Variants in EXOC6 observed in about 807,000 individuals in gnomAD.
EXOC6 encodes exocyst complex component 6.
Under a neutral mutation model 112.5 loss-of-function variants are expected in EXOC6, and 60 were observed. The ratio of observed to expected loss-of-function variants is 0.53; its 90% CI spans 0.43 to 0.66. The LOEUF is 0.66. EXOC6 is among the 30% of genes least tolerant of loss of function. The probability of loss-of-function intolerance (pLI) is 0.00; values close to 1 mark genes in which losing one functional copy is unlikely to be tolerated. For synonymous variants in EXOC6, 295 were observed against 308.0 expected (o/e 0.96, Z 0.44); for missense variants, 855 against 957.1 (o/e 0.89, Z 1.41).
At chr10:93,001,337 G>C (rs1289193483) in intron 19 of EXOC6, among the ~76,000 whole-genome samples, 2 of 152,152 alleles carry the variant, frequency 1.3e-5, no homozygotes, top group East Asian at 3.8e-4. Flanking sequence ...AACCTGCCAA[G>C]TAATTGTCCA....
chr10:92,850,879 G>A (rs1847292479), intron 1 of EXOC6, among the ~76,000 whole-genome samples: 2 of 152,092 alleles, frequency 1.3e-5, no homozygotes, highest in South Asian at 4.2e-4. Flanking sequence ...TGAGAAGCAC[G>A]TGATAAACTT....
intron 19 of EXOC6, among the ~76,000 whole-genome samples, chr10:93,001,660 A>G (rs945525684): frequency 1.3e-5 from 2 of 152,204 alleles, no homozygotes; most frequent in Admixed American, 1.3e-4. Flanking sequence ...TATCAAATAA[A>G]ACATTAGCTG....
intron 18 of EXOC6, among the ~76,000 whole-genome samples, chr10:92,989,427 T>G (rs1025972435): frequency 2.0e-5 from 3 of 152,198 alleles, no homozygotes; most frequent in Non-Finnish European, 4.4e-5. Flanking sequence ...CAGTACTGAT[T>G]AGAAATATTT....
chr10:93,034,860 G>T (rs145089758), intron 20 of EXOC6, among the ~76,000 whole-genome samples: 1 of 152,236 alleles, frequency 6.6e-6, no homozygotes, highest in Non-Finnish European at 1.5e-5. Context: ...TACTTCACAG[G>T]AACTTTCTTT....
chr10:92,962,877 C>T (rs979551812), intron 17 of EXOC6, among the ~76,000 whole-genome samples: 3 of 152,106 alleles, frequency 2.0e-5, no homozygotes, highest in African/African-American at 4.8e-5. Flanking sequence ...CTAAATGTTT[C>T]GAATTTGCAT....
chr10:92,829,724 A>G (rs1846442901), upstream of EXOC6, among the ~76,000 whole-genome samples: 1 of 152,192 alleles, frequency 6.6e-6, no homozygotes, highest in African/African-American at 2.4e-5. Flanking sequence ...GCATTCTGTC[A>G]CAGGATGAGA....
At chr10:93,050,724 C>A (rs1294539651) in intron 20 of EXOC6, among the ~76,000 whole-genome samples, 1 of 119,764 alleles carries the variant, frequency 8.3e-6, no homozygotes, top group Non-Finnish European at 1.6e-5. Flanking sequence ...CACGCCACTG[C>A]ACTCCAACCT....
At chr10:93,035,629 C>A (rs188090999) in intron 20 of EXOC6, among the ~76,000 whole-genome samples, 1 of 152,072 alleles carries the variant, frequency 6.6e-6, no homozygotes, top group Non-Finnish European at 1.5e-5. Flanking sequence ...TTGAGGTGAG[C>A]GGATCACTTG....
At chr10:92,902,639 C>A (rs1850239465) in intron 5 of EXOC6, among the ~76,000 whole-genome samples, 1 of 151,952 alleles carries the variant, frequency 6.6e-6, no homozygotes, top group African/African-American at 2.4e-5. Context: ...TGTGTAGCCA[C>A]CAAGTTTAAG....
In EXOC6 at chr10:92,827,474, CAAAAAAAAAAAAAAA is replaced by C. The variant is rs60863083; in HGVS notation, c.-27+548_-27+562del. 5.7e-4 allele frequency among the ~76,000 whole-genome samples: 19 copies of C among 33,198 alleles called. 1 individual carries two copies. Among genetic ancestry groups the C allele is most frequent in the East Asian group, 2.3e-3 (2 of 886 alleles). 21.8% of individuals were successfully genotyped at this position (33,198 alleles called of 152,430 possible). On this transcript the variant is annotated intron_variant, in intron 1 of 22. Transcript: ENST00000671701. The stretch of plus-strand genomic sequence containing the variant: ...GGGCGACAGAGTGAGGCCCTGTTGC[CAAAAAAAAAAAAAAA>C]AAAAAAAAAAAAAAAAATCCCCATG...
intron 8 of EXOC6, among the ~76,000 whole-genome samples, chr10:92,926,891 A>G (rs1851756507): frequency 6.6e-6 from 1 of 152,096 alleles, no homozygotes; most frequent in Admixed American, 6.5e-5. Context: ...TAGCAGTTTT[A>G]TTTTAAATTC....
At chr10:92,895,702 A>G (rs1196804773) in intron 4 of EXOC6, among the ~76,000 whole-genome samples, 1 of 151,300 alleles carries the variant, frequency 6.6e-6, no homozygotes, top group East Asian at 1.9e-4. Context: ...ATTTATTTTA[A>G]TTTTTAATTT....
At chr10:93,002,766 A>C (rs1843813968) in intron 19 of EXOC6, among the ~76,000 whole-genome samples, 1 of 152,156 alleles carries the variant, frequency 6.6e-6, no homozygotes, top group Non-Finnish European at 1.5e-5. Context: ...TAATAACAGC[A>C]ATTGAATTTT....
intron 1 of EXOC6, among the ~76,000 whole-genome samples, chr10:92,839,051 C>A (rs1051399272): frequency 1.3e-5 from 2 of 151,120 alleles, no homozygotes; most frequent in African/African-American, 4.9e-5. Context: ...CTGGCCCGGG[C>A]GACAGAGTGA....
At chr10:92,925,566 A>G (rs138254565) in intron 8 of EXOC6, among the ~76,000 whole-genome samples, 2 of 152,190 alleles carry the variant, frequency 1.3e-5, no homozygotes, top group African/African-American at 2.4e-5. Flanking sequence ...AAGTGCTGGG[A>G]TTACAGGCGT....
At chr10:93,044,756 T>G (rs1436796389) in intron 20 of EXOC6, among the ~76,000 whole-genome samples, 1 of 152,200 alleles carries the variant, frequency 6.6e-6, no homozygotes, top group Non-Finnish European at 1.5e-5. Flanking sequence ...TTGAGGCAAT[T>G]GGGATTTAAT....
At chr10:92,967,992 A>G (rs746842102) in intron 17 of EXOC6, among the ~76,000 whole-genome samples, 4 of 152,126 alleles carry the variant, frequency 2.6e-5, no homozygotes, top group Admixed American at 6.6e-5. Context: ...ACATATTTTT[A>G]TATTGCTTTG....
intron 20 of EXOC6, among the ~76,000 whole-genome samples, chr10:93,016,988 G>A (rs1309076120): frequency 6.7e-6 from 1 of 149,520 alleles, no homozygotes; most frequent in African/African-American, 2.5e-5. Context: ...AATTTTTTTT[G>A]TATTTTTAGT....
rs142112840 is a variant in EXOC6 at position 93,001,741 on chromosome 10, T to C, written c.2095+4126T>C. Among the ~76,000 whole-genome samples, 506 of 152,342 alleles carry C rather than the reference T, an allele frequency of 3.3e-3. 3 individuals carry two copies. Among genetic ancestry groups the C allele is most frequent in the African/African-American group, 0.012 (484 of 41,578 alleles). ...TGTATAGCAAGCAGCCTGACAACTA[T>C]ATCTGAAGTTTGGCTTAGGGTCACA... On this transcript the variant is annotated intron_variant, in intron 19 of 21. Transcript: ENST00000260762.
Sources: allele counts gnomAD v4.1 joint callset (sites outside exome capture counted in the v4.1 genomes callset), GRCh38; gene constraint gnomAD v4.1.1; transcripts MANE v1.5; gene names NCBI Gene and HGNC (gene_info 2026-07-23, HGNC 2026-07-21).